Variants in RANBP2 observed in about 807,000 individuals in gnomAD.
RANBP2 encodes RAN binding protein 2.
RANBP2 carries 57 observed loss-of-function variants against 303.6 expected under a neutral mutation model. That is an observed-to-expected ratio of 0.19 (90% CI 0.15 to 0.23). RANBP2 has a LOEUF of 0.23. Ranked by LOEUF, RANBP2 falls within the 10% of genes least tolerant of loss-of-function variation. The pLI is 1.00. For synonymous variants in RANBP2, 1,167 were observed against 1,301.5 expected, an observed-to-expected ratio of 0.90 and a Z score of 2.23; for missense variants, 3,138 against 3,780.8, an observed-to-expected ratio of 0.83 and a Z score of 4.46.
the RANBP2 span, among the ~76,000 whole-genome samples, chr2:109,454,846 A>G: frequency 6.6e-6 from 1 of 152,096 alleles, no homozygotes; most frequent in Non-Finnish European, 1.5e-5. Context: ...TGATGATTGT[A>G]GACTAAAGAG....
At chr2:108,793,832 G>A in the RANBP2 span, among the ~76,000 whole-genome samples, 3 of 151,592 alleles carry the variant, frequency 2.0e-5, no homozygotes, top group African/African-American at 7.3e-5. Flanking sequence ...TCAATCTCCT[G>A]ACCTCATGAT....
chr2:109,516,373 G>A, the RANBP2 span, among the ~76,000 whole-genome samples: 1 of 152,230 alleles, frequency 6.6e-6, no homozygotes, highest in Non-Finnish European at 1.5e-5. Flanking sequence ...CATGTTCTGA[G>A]GCTTAAGGGT....
the RANBP2 span, among the ~76,000 whole-genome samples, chr2:109,191,761 A>G: frequency 3.3e-5 from 5 of 152,352 alleles, no homozygotes; most frequent in African/African-American, 1.2e-4. Context: ...CAGCAGTCAC[A>G]GGGATCACAG....
At chr2:109,693,640 G>T in the RANBP2 span, among the ~76,000 whole-genome samples, 1 of 152,286 alleles carries the variant, frequency 6.6e-6, no homozygotes, top group South Asian at 2.1e-4. Context: ...TGCCATGATT[G>T]TGAGGCCTCT....
the RANBP2 span, among the ~76,000 whole-genome samples, chr2:109,711,986 C>T: frequency 1.3e-5 from 2 of 152,202 alleles, no homozygotes; most frequent in African/African-American, 2.4e-5. Flanking sequence ...GTGCATCCTG[C>T]CTGGCTCCTT....
At chr2:109,176,931 G>A in the RANBP2 span, among the ~76,000 whole-genome samples, 2 of 152,290 alleles carry the variant, frequency 1.3e-5, no homozygotes, top group South Asian at 2.1e-4. Context: ...TGGTGGAAAG[G>A]AGATTGATCA....
chr2:108,910,456 A>T, the RANBP2 span: 11 of 1,612,006 alleles, frequency 6.8e-6, no homozygotes, highest in Non-Finnish European at 8.5e-6. Context: ...GGGCTTCCAC[A>T]TACCTCTTGG....
At chr2:109,078,156 T>TATATATATATAGCGTGTATATATATAGC in the RANBP2 span, among the ~76,000 whole-genome samples, 20 of 113,350 alleles carry the variant, frequency 1.8e-4, no homozygotes, top group East Asian at 5.3e-4. Context: ...ATATAGCATG[T>TATATATATATAGCGTGTATATATATAGC]ATATATATAT....
At chr2:109,495,629 TTAC>T in the RANBP2 span, among the ~76,000 whole-genome samples, 2 of 147,926 alleles carry the variant, frequency 1.4e-5, no homozygotes, top group South Asian at 2.2e-4. Flanking sequence ...CTGGGATTGA[TTAC>T]AGGCGTCCAC....
chr2:109,128,369 GC>G, the RANBP2 span: 1 of 152,136 alleles, frequency 6.6e-6, no homozygotes, highest in African/African-American at 2.4e-5. Context: ...GGGCGCTAGA[GC>G]CCCTCGCACA....
chr2:108,840,788 C>T, the RANBP2 span, among the ~76,000 whole-genome samples: 1 of 137,778 alleles, frequency 7.3e-6, no homozygotes, highest in Non-Finnish European at 1.5e-5. Context: ...TGTTTCATTT[C>T]TTTTTTTCTT....
the RANBP2 span, among the ~76,000 whole-genome samples, chr2:108,901,058 ACACTC>A: frequency 6.6e-6 from 1 of 152,218 alleles, no homozygotes; most frequent in Non-Finnish European, 1.5e-5. Flanking sequence ...CATTTATAGA[ACACTC>A]CATTCAACAA....
At chr2:108,945,322 T>C in the RANBP2 span, among the ~76,000 whole-genome samples, 1 of 152,120 alleles carries the variant, frequency 6.6e-6, no homozygotes, top group African/African-American at 2.4e-5. Flanking sequence ...ATTTCACTAC[T>C]CCAGCAGTTC....
chr2:108,810,312 A>C, the RANBP2 span, among the ~76,000 whole-genome samples: 1 of 152,130 alleles, frequency 6.6e-6, no homozygotes, highest in Admixed American at 6.6e-5. Flanking sequence ...GTTGAAGTAC[A>C]TTCCTTCTGT....
At chr2:109,566,861 A>G in the RANBP2 span, among the ~76,000 whole-genome samples, 1 of 152,180 alleles carries the variant, frequency 6.6e-6, no homozygotes, top group African/African-American at 2.4e-5. Context: ...GTCTAATGTA[A>G]AAATTATTAA....
At chr2:109,325,665 G>C in the RANBP2 span, among the ~76,000 whole-genome samples, 2 of 152,304 alleles carry the variant, frequency 1.3e-5, no homozygotes, top group Middle Eastern at 3.4e-3. Flanking sequence ...CTGATCGCTA[G>C]AAGGTTCTTT....
At chr2:109,453,372 G>A in the RANBP2 span, among the ~76,000 whole-genome samples, 493 of 152,320 alleles carry the variant, frequency 3.2e-3, 3 homozygotes, top group Non-Finnish European at 5.3e-3. Flanking sequence ...TTATCCTTTT[G>A]CACTTAAAAA....
At chr2:108,749,209 G>A in intron 9 of RANBP2, 80 bp downstream of exon 9, 4 of 1,601,798 alleles carry the variant, frequency 2.5e-6, no homozygotes, top group African/African-American at 1.3e-5. Flanking sequence ...CAGAAATAAC[G>A]ACTTAATATT....
chr2:109,620,659 G>A, the RANBP2 span, among the ~76,000 whole-genome samples: 1 of 152,030 alleles, frequency 6.6e-6, no homozygotes, highest in African/African-American at 2.4e-5. Flanking sequence ...CTGAGATTGT[G>A]CCACTGCACT....
Sources: allele counts gnomAD v4.1 joint callset (sites outside exome capture counted in the v4.1 genomes callset), GRCh38; gene constraint gnomAD v4.1.1; transcripts MANE v1.5; gene names NCBI Gene and HGNC (gene_info 2026-07-23, HGNC 2026-07-21).